Variants in LRP2 observed in about 807,000 individuals in gnomAD.
LRP2 encodes LDL receptor related protein 2, also known as low-density lipoprotein receptor-related protein 2.
A neutral mutation model predicts 531.0 loss-of-function variants in LRP2; 172 were observed. The ratio of observed to expected loss-of-function variants is 0.32; its 90% CI spans 0.29 to 0.37. The LOEUF (loss-of-function observed/expected upper bound fraction) is 0.37, where lower values mean the gene tolerates loss of function less well. Ranked by LOEUF, LRP2 falls within the 10% of genes least tolerant of loss-of-function variation. The probability of loss-of-function intolerance (pLI) is 1.00; values close to 1 mark genes in which losing one functional copy is unlikely to be tolerated. For missense variants in LRP2, 5,167 were observed against 5,868.3 expected (o/e 0.88, Z 3.90); for synonymous variants, 1,992 against 2,027.6 (o/e 0.98, Z 0.47).
chr2:169,220,455 C>T lies in LRP2; in HGVS notation c.5647G>A (p.Gly1883Arg), dbSNP rs1688949293. 2 of 1,610,740 alleles carry T rather than the reference C, an allele frequency of 1.2e-6. No homozygotes were observed. The highest frequency in any genetic ancestry group is 2.2e-5 in the South Asian group (2 of 91,022). Residue 1883 changes from glycine to arginine, a missense_variant and splice_region_variant, in exon 34 of 79, where the codon GGG becomes AGG. Physicochemically the swap from Gly to Arg is moderately radical, Grantham distance 125. Coordinates refer to ENST00000649046, the MANE Select transcript of LRP2 (RefSeq NM_004525.3). ...PIGITVDPAR[G>R]KLYWSDQGTD... is the part of the protein sequence containing the mutation. ...CACGTGCCATTTATGAATACTCACC[C>T]ACGAGCAGGATCAACAGTTATGCCA...
At chr2:169,141,936 C>T (rs1685735028) in intron 71 of LRP2, among the ~76,000 whole-genome samples, 1 of 152,164 alleles carries the variant, frequency 6.6e-6, no homozygotes, top group Non-Finnish European at 1.5e-5. Flanking sequence ...AGGGTGGTTC[C>T]TGGTCTAACT....
intron 1 of LRP2, among the ~76,000 whole-genome samples, chr2:169,351,621 T>C (rs1685851914): frequency 6.6e-6 from 1 of 152,122 alleles, no homozygotes; most frequent in Non-Finnish European, 1.5e-5. Context: ...ACTCTACATG[T>C]GAGAAGGTGA....
chr2:169,212,706 TG>T (rs1688636148), intron 36 of LRP2, among the ~76,000 whole-genome samples: 1 of 146,308 alleles, frequency 6.8e-6, no homozygotes, highest in Admixed American at 6.9e-5. Flanking sequence ...CACTGGTATG[TG>T]GGAGCTAAGC....
chr2:169,322,918 T>C (rs1345098364), intron 1 of LRP2, among the ~76,000 whole-genome samples: 1 of 152,208 alleles, frequency 6.6e-6, no homozygotes, highest in African/African-American at 2.4e-5. Context: ...TGAAAATATA[T>C]ATAATTAATG....
At chr2:169,351,417 T>C (rs1685844783) in intron 1 of LRP2, among the ~76,000 whole-genome samples, 1 of 152,130 alleles carries the variant, frequency 6.6e-6, no homozygotes, top group Non-Finnish European at 1.5e-5. Context: ...GAGGGGACAA[T>C]TGCAGAGAGG....
At chr2:169,166,128 G>A (rs1370516064) in intron 61 of LRP2, 74 bp from the exon 62 acceptor site, 22 of 1,505,468 alleles carry the variant, frequency 1.5e-5, no homozygotes, top group Non-Finnish European at 1.9e-5. Flanking sequence ...AAATACTCCA[G>A]TGTCAGCACC....
In LRP2 at chr2:169,138,582, C is replaced by T. The variant is rs1304554457; in HGVS notation, c.13513G>A (p.Ala4505Thr). The change falls in exon 75 of 79, where the codon GCA (alanine) becomes ACA (threonine). Residue 4505 changes from alanine (A) to threonine (T), a missense_variant. Around this residue, in one of 6 missense-constraint regions of LRP2, gnomAD observed 348 missense variants for 369.3 expected, o/e 0.94. Coordinates refer to ENST00000649046, the MANE Select transcript of LRP2 (RefSeq NM_004525.3). ...CATTTTGAAACCATACTCACCATTG[C>T]CATTGACCTGTCAATAGCAGTCTCA... ...GPETAIDRSM[A>T]MSEDFVMEMG... 4 of 1,613,802 alleles carry T rather than the reference C, an allele frequency of 2.5e-6. No homozygotes were observed. The highest frequency in any genetic ancestry group is 3.4e-6 in the Non-Finnish European group (4 of 1,179,796).
At chr2:169,352,078 G>T (rs1000810373) in intron 1 of LRP2, among the ~76,000 whole-genome samples, 5 of 152,180 alleles carry the variant, frequency 3.3e-5, no homozygotes, top group Non-Finnish European at 7.3e-5. Context: ...GCATGGAACA[G>T]ACAGCTTCTC....
chr2:169,224,167 A>T (rs1689117161), intron 33 of LRP2, among the ~76,000 whole-genome samples: 1 of 152,226 alleles, frequency 6.6e-6, no homozygotes, highest in African/African-American at 2.4e-5. Context: ...CGCCTTGCTC[A>T]TCTTCAGTAT....
In LRP2 at chr2:169,256,089, A is replaced by G; in HGVS notation, c.2770+17T>C. On this transcript the variant is annotated intron_variant, in intron 19 of 78. Coordinates refer to ENST00000649046, the MANE Select transcript of LRP2 (RefSeq NM_004525.3). ...ATGTATAAAAACAATACATACTTTT[A>G]TTGCTTTAAAACATACCTCCAAAGA... 2 of 1,611,968 alleles carry G rather than the reference A, an allele frequency of 1.2e-6. No individual in the cohort carries two copies. Among genetic ancestry groups the G allele is most frequent in the Non-Finnish European group, 1.7e-6 (2 of 1,178,490 alleles).
At chr2:169,270,284 C>T (rs1683368301) in intron 16 of LRP2, among the ~76,000 whole-genome samples, 1 of 152,136 alleles carries the variant, frequency 6.6e-6, no homozygotes, top group Non-Finnish European at 1.5e-5. Context: ...ATAAATCATG[C>T]TGCTATAAAG....
intron 1 of LRP2, among the ~76,000 whole-genome samples, chr2:169,356,322 T>G (rs1333547575): frequency 6.6e-6 from 1 of 152,244 alleles, no homozygotes; most frequent in East Asian, 1.9e-4. Context: ...TGTAACAACA[T>G]GCACAGGTGC....
chr2:169,153,424 T>C (rs1010320157), intron 66 of LRP2, among the ~76,000 whole-genome samples: 2 of 152,188 alleles, frequency 1.3e-5, no homozygotes, highest in African/African-American at 4.8e-5. Context: ...GTTAAAAGCA[T>C]AGGAAGACTG....
At chr2:169,192,416 T>C (rs1243729087) in intron 47 of LRP2, among the ~76,000 whole-genome samples, 1 of 151,786 alleles carries the variant, frequency 6.6e-6, no homozygotes, top group African/African-American at 2.4e-5. Context: ...AAGCACAATG[T>C]GAAATAGGTA....
chr2:169,287,016 A>C (rs1683877267), intron 9 of LRP2, among the ~76,000 whole-genome samples: 2 of 152,164 alleles, frequency 1.3e-5, no homozygotes, highest in African/African-American at 4.8e-5. Flanking sequence ...AAGACACAGG[A>C]GTGGCCTCAC....
chr2:169,266,553 T>C (rs1389120777), intron 16 of LRP2, among the ~76,000 whole-genome samples: 1 of 152,032 alleles, frequency 6.6e-6, no homozygotes, highest in African/African-American at 2.4e-5. Context: ...GACTAGAAAA[T>C]TGAGGCAAAA....
rs1473199835 is a variant in LRP2 at position 169,154,593 on chromosome 2, A to G, written c.12162T>C (p.Pro4054=). 5.6e-6 allele frequency: 9 copies of G among 1,613,564 alleles called. No individual in the cohort carries two copies. The South Asian group carries it at 8.8e-5, about 16-fold the overall frequency. ...GGACATTGTCAGGCAGTAGCAACAA[A>G]GGAGAGCTACCTGTAAACAAACAAA... ...GKRCAAEGSS[P]LLLLPDNVRI... Residue 4054 remains proline (P), a synonymous_variant, in exon 66 of 79, where the codon CCT becomes CCC. Coordinates refer to ENST00000649046, the MANE Select transcript of LRP2 (RefSeq NM_004525.3).
At chr2:169,197,218 C>T (rs1688034359) in intron 45 of LRP2, among the ~76,000 whole-genome samples, 188 bp from the exon 46 acceptor site, 1 of 151,980 alleles carries the variant, frequency 6.6e-6, no homozygotes, top group African/African-American at 2.4e-5. Flanking sequence ...GGAAGTCAAT[C>T]CTGCCCCAAT....
At chr2:169,157,623 T>C in intron 63 of LRP2, 121 bp from the exon 64 acceptor site, 1 of 1,133,420 alleles carries the variant, frequency 8.8e-7, no homozygotes, top group Non-Finnish European at 1.3e-6. Context: ...CCCCTTTCCA[T>C]AAGCCTTGGA....
Sources: gnomAD v4.1 joint callset for allele counts (sites outside exome capture counted in the v4.1 genomes callset) on GRCh38, gnomAD v4.1.1 for gene constraint, gnomAD v4.1.1 regional missense constraint, MANE v1.5 for transcripts, NCBI Gene and HGNC (gene_info 2026-07-23, HGNC 2026-07-21) for gene names.